The following PGAP3 variants were observed in gnomAD, a reference collection of about 807,000 sequenced individuals.
The protein encoded by PGAP3 is post-GPI attachment to proteins phospholipase 3.
PGAP3 carries 31 observed loss-of-function variants against 40.3 expected under a neutral mutation model. The observed-to-expected ratio is 0.77, with a 90% CI of 0.58 to 1.04. PGAP3 has a LOEUF of 1.04. Among genes scored for constraint, PGAP3 ranks in the 50% least tolerant of loss-of-function variants. The probability of loss-of-function intolerance (pLI) is 0.00; values close to 1 mark genes in which losing one functional copy is unlikely to be tolerated. For synonymous variants in PGAP3, 191 were observed against 184.5 expected, an observed-to-expected ratio of 1.04 and a Z score of -0.29; for missense variants, 413 against 423.0, an observed-to-expected ratio of 0.98 and a Z score of 0.21.
intron 3 of PGAP3, among the ~76,000 whole-genome samples, chr17:39,679,455 G>C (rs1233196384): frequency 1.3e-5 from 2 of 152,206 alleles, no homozygotes; most frequent in Admixed American, 1.3e-4. Context: ...TCCGATCTAA[G>C]AAGGCTCTAA....
chr17:39,677,637 C>T (rs1173077441), intron 3 of PGAP3, among the ~76,000 whole-genome samples: 2 of 152,002 alleles, frequency 1.3e-5, no homozygotes, highest in Non-Finnish European at 2.9e-5. Flanking sequence ...GCCAGGAGGG[C>T]GACAGGCTGC....
chr17:39,673,413 A>G (rs564873793), intron 6 of PGAP3, 101 bp downstream of exon 6: 40 of 1,574,418 alleles, frequency 2.5e-5, no homozygotes, highest in African/African-American at 1.1e-4. Flanking sequence ...CTCTACCCCA[A>G]GAGTCTCTCT....
intron 3 of PGAP3, among the ~76,000 whole-genome samples, chr17:39,682,148 C>T (rs1033248152): frequency 7.1e-6 from 1 of 141,306 alleles, no homozygotes; most frequent in Non-Finnish European, 1.5e-5. Context: ...ATGGCGTGAA[C>T]CCGGAAGGCA....
chr17:39,682,525 T>C (rs1459261603), intron 3 of PGAP3, among the ~76,000 whole-genome samples: 1 of 152,156 alleles, frequency 6.6e-6, no homozygotes, highest in East Asian at 1.9e-4. Context: ...GTATGAGCTA[T>C]GTATGTATTT....
At chr17:39,683,075 CAAATA>C (rs541252918) in intron 3 of PGAP3, among the ~76,000 whole-genome samples, 15 of 151,852 alleles carry the variant, frequency 9.9e-5, no homozygotes, top group African/African-American at 1.5e-4. Context: ...GACTTTGTCT[CAAATA>C]AAATAAAATA....
At chr17:39,685,229 G>C (rs1279841306) in intron 2 of PGAP3, among the ~76,000 whole-genome samples, 1 of 151,332 alleles carries the variant, frequency 6.6e-6, no homozygotes, top group Non-Finnish European at 1.5e-5. Context: ...TGTAATCCCA[G>C]CACTTTGGGA....
At chr17:39,684,812 C>T in intron 2 of PGAP3, 63 bp from the exon 3 acceptor site, 2 of 1,473,876 alleles carry the variant, frequency 1.4e-6, no homozygotes, top group Non-Finnish European at 1.8e-6. Context: ...CCCAGTCCAC[C>T]TATTCTTGAC....
At chr17:39,679,594 A>T (rs1353451823) in intron 3 of PGAP3, among the ~76,000 whole-genome samples, 2 of 152,188 alleles carry the variant, frequency 1.3e-5, no homozygotes, top group Non-Finnish European at 2.9e-5. Context: ...AGACAGGTGT[A>T]ACGTCCTCAG....
chr17:39,673,368 C>T, intron 6 of PGAP3, 113 bp from the exon 7 acceptor site: 1 of 1,543,932 alleles, frequency 6.5e-7, no homozygotes, highest in Non-Finnish European at 8.8e-7. Flanking sequence ...TCCTCCCAGC[C>T]TCCTCTCTCT....
At chr17:39,676,937 TGCAGGCCAAGGATGTTTAG>T (rs1202707399) in intron 3 of PGAP3, among the ~76,000 whole-genome samples, 1 of 152,172 alleles carries the variant, frequency 6.6e-6, no homozygotes, top group Non-Finnish European at 1.5e-5. Context: ...CCACTCTCCC[TGCAGGCCAAGGATGTTTAG>T]GCAGATAAGG....
rs765834267 is a variant in PGAP3 at position 39,686,018 on chromosome 17, G to A, written c.183C>T (p.Gly61=). 4.3e-6 allele frequency: 7 copies of A among 1,611,628 alleles called. No homozygotes were observed. The African/African-American group carries it at 6.7e-5, about 15-fold the overall frequency. Residue 61 remains glycine (G), a splice_region_variant and synonymous_variant, in exon 2 of 8, where the codon GGC becomes GGT. Coordinates refer to ENST00000300658, the MANE Select transcript of PGAP3 (RefSeq NM_033419.5). ...ACTTACAGTCGTCCCGACAGGTCCAGCCTGAAACAGACAAATGTGGCCTGG... is the reference window on the plus strand; with the variant it reads ...ACTTACAGTCGTCCCGACAGGTCCAACCTGAAACAGACAAATGTGGCCTGG... ...SRQPIYMSLA[G]WTCRDDCKYE... is the part of the protein sequence containing the mutation.
At chr17:39,673,400 T>G in intron 6 of PGAP3, 114 bp downstream of exon 6, 2 of 1,559,468 alleles carry the variant, frequency 1.3e-6, no homozygotes, top group Non-Finnish European at 1.7e-6. Context: ...TTCTTCTCCA[T>G]TCCTCTACCC....
intron 2 of PGAP3, 50 bp downstream of exon 2, chr17:39,685,872 T>C (rs984975190): frequency 7.8e-6 from 12 of 1,535,826 alleles, no homozygotes; most frequent in African/African-American, 1.4e-5. Flanking sequence ...AGGGGGTATA[T>C]TACTCCTACC....
intron 2 of PGAP3, 83 bp downstream of exon 2, chr17:39,685,839 T>G: frequency 7.7e-7 from 1 of 1,292,540 alleles, no homozygotes; most frequent in Non-Finnish European, 1.1e-6. Context: ...TGCCTCAGAC[T>G]GCTTGGACAG....
chr17:39,683,562 G>A (rs2057468832), intron 3 of PGAP3, among the ~76,000 whole-genome samples: 2 of 152,226 alleles, frequency 1.3e-5, no homozygotes. Context: ...TGAGTGAATG[G>A]CTTCTGTGAG....
chr17:39,673,647 G>A lies in PGAP3; in HGVS notation c.561C>T (p.Thr187=), dbSNP rs773034370. 2.0e-5 allele frequency: 33 copies of A among 1,613,760 alleles called. No homozygotes were observed. Among genetic ancestry groups the A allele is most frequent in the Non-Finnish European group, 2.3e-5 (27 of 1,179,990 alleles). ...CCACAGCTGGGTGCTGCAGCCCCAC[G>A]GTCCTGCCCCACCGTCCAGGGTTGC... The part of the protein sequence containing the change: ...LHSIYLCCVR[T]VGLQHPAVVS... The change falls in exon 6 of 8, where the codon ACC becomes ACT. Residue 187 remains threonine, a synonymous_variant. Transcript: ENST00000300658.
At position 39,672,681 on chromosome 17, in the gene PGAP3, A is replaced by T; in HGVS notation, c.*122T>A. On this transcript the variant is annotated 3_prime_UTR_variant, in exon 8 of 8. Transcript: ENST00000300658. ...GGGCTGGCCACATGATTCTGGGCCCACATCCTTCATGTCCAAGTTCAAGAA... is the reference window on the plus strand; with the variant it reads ...GGGCTGGCCACATGATTCTGGGCCCTCATCCTTCATGTCCAAGTTCAAGAA... The T allele has an allele frequency of 9.6e-7, 1 of 1,039,754 alleles. No homozygotes were observed. Among genetic ancestry groups the T allele is most frequent in the Non-Finnish European group, 1.4e-6 (1 of 696,386 alleles). The allele number at this position is 1,039,754 out of a possible 1,614,324, so 64.4% of individuals were successfully genotyped here.
chr17:39,674,524 G>A, intron 4 of PGAP3, 93 bp downstream of exon 4: 1 of 1,345,784 alleles, frequency 7.4e-7, no homozygotes, highest in South Asian at 1.4e-5. Flanking sequence ...GCTCCTCAGA[G>A]GGAGTTGGCA....
At position 39,674,022 on chromosome 17, in the gene PGAP3, G is replaced by A; in HGVS notation, c.528C>T (p.Ile176=). The stretch of plus-strand genomic sequence containing the variant: ...CGCAGCACAGGTAGATTGAGTGTAG[G>A]ATGACAGTGGAGGCACAGAAGTAGT... ...KMDYFCASTV[I]LHSIYLCCVR... The change falls in exon 5 of 8, where the codon ATC becomes ATT. Residue 176 remains isoleucine, a synonymous_variant. Coordinates refer to ENST00000300658, the MANE Select transcript of PGAP3 (RefSeq NM_033419.5). 1 of 1,614,106 alleles carries A rather than the reference G, an allele frequency of 6.2e-7. No homozygotes were observed. Among genetic ancestry groups the A allele is most frequent in the Non-Finnish European group, 8.5e-7 (1 of 1,179,974 alleles).
Sources: allele counts gnomAD v4.1 joint callset (sites outside exome capture counted in the v4.1 genomes callset), GRCh38; gene constraint gnomAD v4.1.1; transcripts MANE v1.5; gene names NCBI Gene and HGNC (gene_info 2026-07-23, HGNC 2026-07-21).